The following PLCXD3 variants were observed in gnomAD, a reference collection of about 807,000 sequenced individuals.
The protein encoded by PLCXD3 is phosphatidylinositol specific phospholipase C X domain containing 3.
In PLCXD3, 19 loss-of-function variants were observed where a neutral mutation model predicts 25.5. The observed-to-expected ratio is 0.75, with a 90% CI of 0.52 to 1.09. The LOEUF is 1.09. Ranked by LOEUF, PLCXD3 falls within the 50% of genes least tolerant of loss-of-function variation. The pLI is 0.00. For synonymous variants in PLCXD3, 174 were observed against 137.6 expected (o/e 1.26, Z -1.85); for missense variants, 411 against 388.1 (o/e 1.06, Z -0.50).
chr5:41,361,417 G>A (rs1744775460), intron 2 of PLCXD3, among the ~76,000 whole-genome samples: 1 of 152,198 alleles, frequency 6.6e-6, no homozygotes, highest in Non-Finnish European at 1.5e-5. Context: ...CATATAGTCT[G>A]TGGATTGTCT....
In PLCXD3 at chr5:41,381,924, C is replaced by T. The variant is rs548024825; in HGVS notation, c.714G>A (p.Lys238=). The stretch of plus-strand genomic sequence containing the variant: ...CCTGAGATATAAAAAACGATCCCTT[C>T]TTTCTTCTCTCAGTGATGGATGCTT... The part of the protein sequence containing the change: ...FLQASITERR[K]KGSFFISQVV... The change falls in exon 2 of 3, where the codon AAG becomes AAA. Residue 238 remains lysine, a synonymous_variant. Coordinates refer to ENST00000377801, the MANE Select transcript of PLCXD3 (RefSeq NM_001005473.3). The T allele has an allele frequency of 6.2e-7, 1 of 1,613,454 alleles. No homozygotes were observed. Among genetic ancestry groups the T allele is most frequent in the Admixed American group, 1.7e-5 (1 of 59,898 alleles).
chr5:41,332,689 C>A (rs1743857237), intron 2 of PLCXD3, among the ~76,000 whole-genome samples: 1 of 152,002 alleles, frequency 6.6e-6, no homozygotes, highest in Non-Finnish European at 1.5e-5. Context: ...GACTTGGAAC[C>A]AACCCAAATG....
In PLCXD3 at chr5:41,382,599, C is replaced by T. The variant is rs996381697; in HGVS notation, c.104-65G>A. 6.9e-5 allele frequency: 87 copies of T among 1,268,232 alleles called. 1 individual carries two copies. Among genetic ancestry groups the T allele is most frequent in the Non-Finnish European group, 1.8e-5 (17 of 923,060 alleles). The allele number at this position is 1,268,232 out of a possible 1,614,324, so 78.6% of individuals were successfully genotyped here. On this transcript the variant is annotated intron_variant, in intron 1 of 2. Coordinates refer to ENST00000377801, the MANE Select transcript of PLCXD3 (RefSeq NM_001005473.3). The stretch of plus-strand genomic sequence containing the variant: ...TCTTTGCCCTTCCCACCTTCTTTCC[C>T]TCTTGCAATATCCATACCTCTCCCT...
chr5:41,450,283 C>G (rs776384783), intron 1 of PLCXD3, among the ~76,000 whole-genome samples: 34 of 152,114 alleles, frequency 2.2e-4, no homozygotes, highest in Non-Finnish European at 5.9e-5. Context: ...AACTAACATT[C>G]ACAGCATCTT....
intron 1 of PLCXD3, among the ~76,000 whole-genome samples, chr5:41,507,578 G>A (rs1196913195): frequency 1.3e-5 from 2 of 152,194 alleles, no homozygotes; most frequent in Admixed American, 6.5e-5. Flanking sequence ...GTGCTCTGGT[G>A]GGGAATATCA....
intron 1 of PLCXD3, among the ~76,000 whole-genome samples, chr5:41,433,027 G>A (rs1342773496): frequency 6.6e-6 from 1 of 152,186 alleles, no homozygotes; most frequent in African/African-American, 2.4e-5. Flanking sequence ...AGCAGGTGAG[G>A]TCAGAATGCT....
chr5:41,448,295 C>T (rs1747551380), intron 1 of PLCXD3, among the ~76,000 whole-genome samples: 1 of 152,160 alleles, frequency 6.6e-6, no homozygotes, highest in Admixed American at 6.5e-5. Context: ...AAAAAGCCAC[C>T]TGCTCTTGAA....
intron 1 of PLCXD3, among the ~76,000 whole-genome samples, chr5:41,424,234 A>G (rs1325664981): frequency 6.6e-6 from 1 of 151,994 alleles, no homozygotes; most frequent in Non-Finnish European, 1.5e-5. Flanking sequence ...TTCTTTTCTA[A>G]TATATACATA....
chr5:41,418,130 G>C (rs1746735084), intron 1 of PLCXD3, among the ~76,000 whole-genome samples: 1 of 152,100 alleles, frequency 6.6e-6, no homozygotes, highest in African/African-American at 2.4e-5. Flanking sequence ...ATAGGTATGT[G>C]GCAGTGCAGT....
At chr5:41,423,781 T>C (rs1171059546) in intron 1 of PLCXD3, among the ~76,000 whole-genome samples, 1 of 152,088 alleles carries the variant, frequency 6.6e-6, no homozygotes, top group Non-Finnish European at 1.5e-5. Context: ...TCATCATTTT[T>C]TTTCTCCTTT....
chr5:41,362,586 C>A (rs538974910), intron 2 of PLCXD3, among the ~76,000 whole-genome samples: 1 of 152,184 alleles, frequency 6.6e-6, no homozygotes, highest in South Asian at 2.1e-4. Context: ...AATCAGAAAC[C>A]GACACCTTGA....
chr5:41,418,240 A>G (rs937118999), intron 1 of PLCXD3, among the ~76,000 whole-genome samples: 1 of 152,226 alleles, frequency 6.6e-6, no homozygotes, highest in Non-Finnish European at 1.5e-5. Flanking sequence ...TAAAACACAC[A>G]CACACAAGTG....
intron 1 of PLCXD3, among the ~76,000 whole-genome samples, chr5:41,443,907 C>T (rs1442833087): frequency 2.0e-5 from 3 of 152,066 alleles, no homozygotes. Flanking sequence ...TCTTTTAATC[C>T]TGCTCTATGT....
intron 1 of PLCXD3, among the ~76,000 whole-genome samples, chr5:41,415,601 A>T (rs1334157414): frequency 6.6e-6 from 1 of 152,154 alleles, no homozygotes; most frequent in African/African-American, 2.4e-5. Context: ...CATCCTAATC[A>T]CTTAGATACT....
At chr5:41,398,253 G>T (rs998534949) in intron 1 of PLCXD3, among the ~76,000 whole-genome samples, 6 of 152,172 alleles carry the variant, frequency 3.9e-5, no homozygotes, top group Non-Finnish European at 7.4e-5. Context: ...CATGGGGATG[G>T]ATTTCCCCCT....
chr5:41,332,670 A>C (rs907894262), intron 2 of PLCXD3, among the ~76,000 whole-genome samples: 191 of 152,212 alleles, frequency 1.3e-3, no homozygotes, highest in African/African-American at 4.1e-3. Flanking sequence ...CACTATTCAC[A>C]ATAGCAAAGA....
intron 1 of PLCXD3, among the ~76,000 whole-genome samples, chr5:41,494,270 AC>A (rs962818111): frequency 6.6e-6 from 1 of 152,128 alleles, no homozygotes; most frequent in African/African-American, 2.4e-5. Flanking sequence ...CAAATTATGT[AC>A]CTAACTTACA....
At chr5:41,432,767 G>A (rs924265360) in intron 1 of PLCXD3, among the ~76,000 whole-genome samples, 1 of 152,192 alleles carries the variant, frequency 6.6e-6, no homozygotes, top group Non-Finnish European at 1.5e-5. Flanking sequence ...AAAGAAAAAA[G>A]TGAGGTCAAC....
chr5:41,396,001 G>GA (rs60348556), intron 1 of PLCXD3, among the ~76,000 whole-genome samples: 42,408 of 141,094 alleles, frequency 0.3, 6,865 homozygotes, highest in African/African-American at 0.44. Context: ...GCCCATCAAA[G>GA]AAAAAAAAAA....
Sources: gnomAD v4.1 joint callset for allele counts (sites outside exome capture counted in the v4.1 genomes callset) on GRCh38, gnomAD v4.1.1 for gene constraint, MANE v1.5 for transcripts, NCBI Gene and HGNC (gene_info 2026-07-23, HGNC 2026-07-21) for gene names.